The following NDUFB8 variants were observed in gnomAD, a reference collection of about 807,000 sequenced individuals.
The protein encoded by NDUFB8 is NADH:ubiquinone oxidoreductase subunit B8.
NDUFB8 carries 17 observed loss-of-function variants against 26.0 expected under a neutral mutation model. That is an observed-to-expected ratio of 0.65 (90% confidence interval 0.45 to 0.98). The LOEUF (loss-of-function observed/expected upper bound fraction) is 0.98, where lower values mean the gene tolerates loss of function less well. Among genes scored for constraint, NDUFB8 ranks in the 50% least tolerant of loss-of-function variants. NDUFB8 has a pLI of 0.00. For missense variants in NDUFB8, 238 were observed against 255.0 expected, an observed-to-expected ratio of 0.93 and a Z score of 0.45; for synonymous variants, 89 against 93.1, an observed-to-expected ratio of 0.96 and a Z score of 0.25.
Position 100,526,511 on chromosome 10 carries a change from G to T in NDUFB8, c.356C>A (p.Thr119Lys), listed in dbSNP as rs1289475597. The T allele has an allele frequency of 1.9e-6, 3 of 1,611,248 alleles. No homozygotes were observed. The highest frequency in any genetic ancestry group is 2.5e-6 in the Non-Finnish European group (3 of 1,179,330). The change falls in exon 4 of 5, where the codon ACA becomes AAA. Residue 119 changes from threonine to lysine, a missense_variant. Thr to Lys is a moderately conservative substitution (Grantham distance 78). Transcript: ENST00000299166. ...ATGCCAAGAAACAGGTGTGGGGGAT[G>T]TATCCACACGGTTCCTGTTGTACAT... ...LDMYNRNRVD[T>K]SPTPVSWHVM... is the part of the protein sequence containing the mutation.
rs1852055150 is a variant in NDUFB8 at position 100,526,537 on chromosome 10, G to A, written c.330C>T (p.Asp110=). ...TATCCACACGGTTCCTGTTGTACAT[G>A]TCTAGGTGCCAGTGCATCTGAGGCA... ...NWGEPMHWHL[D]MYNRNRVDTS... The change falls in exon 4 of 5, where the codon GAC becomes GAT. Residue 110 remains aspartate, a synonymous_variant. Coordinates refer to ENST00000299166, the MANE Select transcript of NDUFB8 (RefSeq NM_005004.4). 1 of 1,613,072 alleles carries A rather than the reference G, an allele frequency of 6.2e-7. No homozygotes were observed. Among genetic ancestry groups the A allele is most frequent in the Non-Finnish European group, 8.5e-7 (1 of 1,179,776 alleles).
At chr10:100,526,791 G>C (rs757152543) in intron 3 of NDUFB8, 184 bp downstream of exon 3, 5 of 730,060 alleles carry the variant, frequency 6.8e-6, no homozygotes, top group Non-Finnish European at 1.1e-5. Flanking sequence ...ACAGTACAGA[G>C]TTTCATGATT....
At chr10:100,526,675 T>C in intron 3 of NDUFB8, 121 bp from the exon 4 acceptor site, 2 of 1,241,988 alleles carry the variant, frequency 1.6e-6, no homozygotes, top group Non-Finnish European at 1.1e-6. Flanking sequence ...TGGGACAATA[T>C]GCTGAGAACC....
chr10:100,524,143 TGA>T lies in NDUFB8; in HGVS notation c.469-216_469-215del, dbSNP rs748666777. ...TGTAAGAGAAGTGGTGCCTACACTG[TGA>T]GAGAGAAGGAGAAAGGGGGAGGGAA... On this transcript the variant is annotated intron_variant, in intron 4 of 4. Transcript: ENST00000299166. This position sits in a 1 kb window ranked among gnomAD's most constrained non-coding sequence, Gnocchi z 4.0. 4.5e-6 allele frequency: 7 copies of T among 1,549,704 alleles called. No homozygotes were observed. The highest frequency in any genetic ancestry group is 3.1e-5 in the African/African-American group (2 of 65,508).
chr10:100,526,916 A>T, intron 3 of NDUFB8, 59 bp downstream of exon 3: 1 of 1,528,260 alleles, frequency 6.5e-7, no homozygotes, highest in Non-Finnish European at 9.1e-7. Flanking sequence ...CATCTGAGCT[A>T]AAGAATCGCC....
At chr10:100,527,842 G>A (rs369580159) in intron 2 of NDUFB8, among the ~76,000 whole-genome samples, 4 of 151,934 alleles carry the variant, frequency 2.6e-5, no homozygotes, top group East Asian at 1.9e-4. Context: ...TTTTTGAGAC[G>A]GAATCTTGCT....
intron 4 of NDUFB8, among the ~76,000 whole-genome samples, chr10:100,525,412 A>G (rs1852026824): frequency 6.6e-6 from 1 of 151,764 alleles, no homozygotes; most frequent in African/African-American, 2.4e-5. Flanking sequence ...ACGCACCACC[A>G]TGCCTGGCTA....
intron 2 of NDUFB8, among the ~76,000 whole-genome samples, chr10:100,528,853 G>A (rs1852095504): frequency 6.6e-6 from 1 of 152,190 alleles, no homozygotes; most frequent in Admixed American, 6.5e-5. Context: ...GGAAGGGATA[G>A]GATAACATCA....
chr10:100,524,274 G>GCATC lies in NDUFB8; in HGVS notation c.469-349_469-346dup. 1 of 769,824 alleles carries GCATC rather than the reference G, an allele frequency of 1.3e-6. No homozygotes were observed. Among genetic ancestry groups the GCATC allele is most frequent in the Non-Finnish European group, 2.2e-6 (1 of 454,224 alleles). 47.7% of individuals were successfully genotyped at this position (769,824 alleles called of 1,614,324 possible). A position where few individuals can be genotyped will look rare whatever the true frequency, so the allele number is the denominator to read the frequency against. ...GGCAACACTTTCTAAATGAGACGAT[G>GCATC]CATCCATCCATCCCACTCTCTCTCG... On this transcript the variant is annotated intron_variant, in intron 4 of 4. Transcript: ENST00000299166. The surrounding 1 kb of genome is among the most constrained non-coding windows in gnomAD (Gnocchi z 4.0).
rs71013460 is a variant in NDUFB8 at position 100,525,717 on chromosome 10, C to CGTGTGTGTGTGTGT, written c.468+668_468+681dup. Among the ~76,000 whole-genome samples the CGTGTGTGTGTGTGT allele has an allele frequency of 6.5e-5, 3 of 46,054 alleles. 1 individual carries two copies. The highest frequency in any genetic ancestry group is 3.4e-4 in the African/African-American group (3 of 8,924). The allele number at this position is 46,054 out of a possible 152,430, so 30.2% of individuals were successfully genotyped here. ...AGTAACTCATACCACTAAGCACATA[C>CGTGTGTGTGTGTGT]GTGTGTGTGTGTGTGTGTGTGTGTG... On this transcript the variant is annotated intron_variant, in intron 4 of 4. Transcript: ENST00000299166.
chr10:100,527,244 T>A (rs1852068155), intron 2 of NDUFB8, among the ~76,000 whole-genome samples, 170 bp from the exon 3 acceptor site: 1 of 152,144 alleles, frequency 6.6e-6, no homozygotes, highest in Non-Finnish European at 1.5e-5. Flanking sequence ...AGCACAGAAT[T>A]AACCATAGAA....
chr10:100,529,446 G>A lies in NDUFB8; in HGVS notation c.146C>T (p.Ala49Val). Residue 49 changes from alanine (A) to valine (V), a missense_variant, in exon 2 of 5, where the codon GCC (alanine) becomes GTC (valine). By Grantham distance (64) the Ala-to-Val change is moderately conservative. Coordinates refer to ENST00000299166, the MANE Select transcript of NDUFB8 (RefSeq NM_005004.4). ...CATATTATACTTCTTGGCGGCGGCG[G>A]CCCGTTCTTCTGGGGTCCTAGGATA... is the stretch of plus-strand genomic sequence containing the variant. The part of the protein sequence containing the change: ...GPYPRTPEER[A>V]AAAKKYNMRV... The A allele has an allele frequency of 6.2e-7, 1 of 1,612,690 alleles. No homozygotes were observed. The highest frequency in any genetic ancestry group is 8.5e-7 in the Non-Finnish European group (1 of 1,179,590).
Position 100,529,767 on chromosome 10 carries a change from C to G in NDUFB8, c.85G>C (p.Ala29Pro). Residue 29 changes from alanine to proline, a missense_variant and splice_region_variant, in exon 1 of 5, where the codon GCC becomes CCC. Ala to Pro is a conservative substitution (Grantham distance 27, BLOSUM62 -1). Transcript: ENST00000299166. ...TGAGGTCTCGCCCGTTCTCGCGGAC[C>G]TGTCCGTGCGCCCAGCGGCATCACG... The part of the protein sequence containing the change: ...RNVMPLGART[A>P]SHMTKDMFPG... The G allele has an allele frequency of 6.2e-7, 1 of 1,613,138 alleles. No homozygotes were observed. The highest frequency in any genetic ancestry group is 1.7e-5 in the Admixed American group (1 of 59,978).
intron 2 of NDUFB8, among the ~76,000 whole-genome samples, chr10:100,528,030 G>C (rs1281751640): frequency 1.3e-5 from 2 of 152,198 alleles, no homozygotes; most frequent in Non-Finnish European, 2.9e-5. Flanking sequence ...ACGTTAGCCA[G>C]GCTGGTCTTG....
Position 100,524,156 on chromosome 10 carries a change from G to C in NDUFB8, c.469-227C>G. ...GTGCCTACACTGTGAGAGAGAAGGA[G>C]AAAGGGGGAGGGAAGGGGGTTAGGG... is the stretch of plus-strand genomic sequence containing the variant. On this transcript the variant is annotated intron_variant, in intron 4 of 4. Coordinates refer to ENST00000299166, the MANE Select transcript of NDUFB8 (RefSeq NM_005004.4). This position sits in a 1 kb window ranked among gnomAD's most constrained non-coding sequence, Gnocchi z 4.0. The C allele has an allele frequency of 6.5e-7, 1 of 1,536,614 alleles. No homozygotes were observed. The highest frequency in any genetic ancestry group is 8.8e-7 in the Non-Finnish European group (1 of 1,131,908).
chr10:100,528,168 T>C (rs1852084304), intron 2 of NDUFB8, among the ~76,000 whole-genome samples: 1 of 152,240 alleles, frequency 6.6e-6, no homozygotes, highest in Non-Finnish European at 1.5e-5. Flanking sequence ...TATGTTTAGA[T>C]ACACAAATAC....
At chr10:100,529,358 G>A (rs531514254) in intron 2 of NDUFB8, 22 bp downstream of exon 2, 4 of 1,569,098 alleles carry the variant, frequency 2.5e-6, no homozygotes, top group Middle Eastern at 1.7e-4. Flanking sequence ...ACTTGGGTGC[G>A]AGCATACCCT....
intron 1 of NDUFB8, 36 bp downstream of exon 1, chr10:100,529,731 C>G (rs181643313): frequency 1.6e-5 from 25 of 1,601,568 alleles, no homozygotes; most frequent in East Asian, 2.2e-5. Flanking sequence ...TCAGGTACCC[C>G]CTTCCCACAC....
At chr10:100,529,907 T>C, upstream of NDUFB8, 2 of 1,573,980 alleles carry the variant, frequency 1.3e-6, no homozygotes, top group Non-Finnish European at 1.7e-6. Context: ...TCACGGCGGC[T>C]GAGCCGGGCC....
Sources: allele counts gnomAD v4.1 joint callset (sites outside exome capture counted in the v4.1 genomes callset), GRCh38; gene constraint gnomAD v4.1.1; non-coding constraint Gnocchi (gnomAD v3.1); transcripts MANE v1.5; gene names NCBI Gene and HGNC (gene_info 2026-07-23, HGNC 2026-07-21).